P2RX4: variants seen among roughly 807,000 people sequenced by gnomAD.
P2RX4 encodes the protein purinergic receptor P2X 4.
A neutral mutation model predicts 48.0 loss-of-function variants in P2RX4; 37 were observed. The ratio of observed to expected loss-of-function variants is 0.77; its 90% CI spans 0.59 to 1.01. The LOEUF (loss-of-function observed/expected upper bound fraction) is 1.01. Among genes scored for constraint, P2RX4 ranks in the 50% least tolerant of loss-of-function variants. The probability of loss-of-function intolerance (pLI) is 0.00; values close to 1 mark genes in which losing one functional copy is unlikely to be tolerated. For missense variants in P2RX4, 501 were observed against 521.4 expected (o/e 0.96, Z 0.38); for synonymous variants, 200 against 199.7 (o/e 1.00, Z -0.01).
chr12:121,226,917 A>G (rs1430890090), intron 5 of P2RX4, among the ~76,000 whole-genome samples: 1 of 152,064 alleles, frequency 6.6e-6, no homozygotes, highest in Non-Finnish European at 1.5e-5. Flanking sequence ...GTTTGAGACC[A>G]GCCTGACCAA....
chr12:121,220,721 A>T (rs921498530), intron 2 of P2RX4, among the ~76,000 whole-genome samples: 7 of 152,210 alleles, frequency 4.6e-5, no homozygotes, highest in African/African-American at 1.7e-4. Flanking sequence ...TTATGCAAGC[A>T]TCACCTCTAT....
chr12:121,217,653 C>G (rs1886316056), intron 2 of P2RX4, among the ~76,000 whole-genome samples: 1 of 151,246 alleles, frequency 6.6e-6, no homozygotes, highest in Admixed American at 6.6e-5. Flanking sequence ...AGGCCGGGCA[C>G]AGTAGCTCAC....
intron 2 of P2RX4, among the ~76,000 whole-genome samples, chr12:121,217,786 A>G (rs1886331828): frequency 8.6e-6 from 1 of 115,678 alleles, no homozygotes; most frequent in Admixed American, 1.0e-4. Context: ...AAGAAAAAAA[A>G]AGAAAAGAAT....
At position 121,221,942 on chromosome 12, in the gene P2RX4, C is replaced by A; in HGVS notation, c.312C>A (p.Asn104Lys). 6.2e-7 allele frequency: 1 copy of A among 1,614,218 alleles called. No individual in the cohort carries two copies. Among genetic ancestry groups the A allele is most frequent in the Non-Finnish European group, 8.5e-7 (1 of 1,180,030 alleles). ...AAAACTCCCTCTTCGTCATGACCAA[C>A]GTGATCCTCACCATGAACCAGACAC... ...QEENSLFVMT[N>K]VILTMNQTQG... The change falls in exon 3 of 12, where the codon AAC becomes AAA. Residue 104 changes from asparagine (N) to lysine (K), a missense_variant. Asn to Lys is a moderately conservative substitution (Grantham distance 94). Coordinates refer to ENST00000337233, the MANE Select transcript of P2RX4 (RefSeq NM_002560.3).
Position 121,210,269 on chromosome 12 carries a change from G to T in P2RX4, c.105G>T (p.Val35=). The T allele has an allele frequency of 6.4e-7, 1 of 1,556,088 alleles. No individual in the cohort carries two copies. Among genetic ancestry groups the T allele is most frequent in the Non-Finnish European group, 8.7e-7 (1 of 1,155,808 alleles). ...AAGTGGGGCTCATGAACCGCGCCGT[G>T]CAACTGCTCATCCTGGCCTACGTCA... is the stretch of plus-strand genomic sequence containing the variant. ...SRKVGLMNRA[V]QLLILAYVIG... Residue 35 remains valine, a synonymous_variant, in exon 1 of 12, where the codon GTG becomes GTT. Coordinates refer to ENST00000337233, the MANE Select transcript of P2RX4 (RefSeq NM_002560.3).
intron 2 of P2RX4, 43 bp from the exon 3 acceptor site, chr12:121,221,870 A>T (rs747395461): frequency 6.4e-7 from 1 of 1,565,320 alleles, no homozygotes; most frequent in Admixed American, 1.7e-5. Context: ...GCTCTCCGTG[A>T]GTCCTCTGAG....
At chr12:121,219,615 GGATAGATAGATAGATAGATA>G (rs60447163) in intron 2 of P2RX4, among the ~76,000 whole-genome samples, 31,274 of 139,698 alleles carry the variant, frequency 0.22, 4,115 homozygotes, top group Admixed American at 0.27. Context: ...ATGGATGGAT[GGATAGATAGATAGATAGATA>G]GATAGATAGA....
intron 5 of P2RX4, among the ~76,000 whole-genome samples, chr12:121,226,886 G>A (rs188341280): frequency 2.0e-4 from 31 of 152,184 alleles, no homozygotes; most frequent in African/African-American, 7.2e-4. Context: ...ACCGAGGTGG[G>A]TGGATCATCT....
At chr12:121,230,954 A>ATT (rs1435324209) in intron 8 of P2RX4, among the ~76,000 whole-genome samples, 1 of 144,528 alleles carries the variant, frequency 6.9e-6, no homozygotes, top group Admixed American at 7.1e-5. Flanking sequence ...ATATATAGCC[A>ATT]TTATATATAT....
chr12:121,233,501 C>G, intron 11 of P2RX4, 22 bp from the exon 12 acceptor site: 1 of 1,603,410 alleles, frequency 6.2e-7, no homozygotes, highest in Non-Finnish European at 8.5e-7. Flanking sequence ...GCACCTTGAT[C>G]TGCTTGTGTC....
chr12:121,227,850 C>T (rs1354523072), intron 5 of P2RX4, among the ~76,000 whole-genome samples: 4 of 148,682 alleles, frequency 2.7e-5, no homozygotes, highest in African/African-American at 7.5e-5. Context: ...CACAGGGAGG[C>T]GGAGGTAGGA....
At position 121,233,707 on chromosome 12, in the gene P2RX4, T is replaced by G; in HGVS notation, c.*158T>G. On this transcript the variant is annotated 3_prime_UTR_variant, in exon 12 of 12. Transcript: ENST00000337233. ...GTTCCCCAGCAGCTCCTGTGTGTTGTGTGCAGGATCTGTTTGCCCACTCGG... is the reference window on the plus strand; with the variant it reads ...GTTCCCCAGCAGCTCCTGTGTGTTGGGTGCAGGATCTGTTTGCCCACTCGG... 2 of 1,505,406 alleles carry G rather than the reference T, an allele frequency of 1.3e-6. No individual in the cohort carries two copies. Among genetic ancestry groups the G allele is most frequent in the Non-Finnish European group, 8.9e-7 (1 of 1,123,376 alleles). 93.3% of individuals were successfully genotyped at this position (1,505,406 alleles called of 1,614,324 possible). A position where few individuals can be genotyped will look rare whatever the true frequency, so the allele number is the denominator to read the frequency against.
chr12:121,215,442 GTTTT>G (rs112097935), intron 1 of P2RX4: 2 of 137,138 alleles, frequency 1.5e-5, no homozygotes, highest in East Asian at 2.1e-4. Flanking sequence ...CCTGTAGATG[GTTTT>G]TTTTTTTTTT....
intron 2 of P2RX4, among the ~76,000 whole-genome samples, chr12:121,221,198 T>TG (rs1566003252): frequency 1.4e-4 from 12 of 84,292 alleles, no homozygotes; most frequent in African/African-American, 6.2e-4. Flanking sequence ...GTGTGTGTGT[T>TG]TTTAGTACAA....
At chr12:121,220,282 A>G (rs1477176882) in intron 2 of P2RX4, among the ~76,000 whole-genome samples, 1 of 151,630 alleles carries the variant, frequency 6.6e-6, no homozygotes, top group African/African-American at 2.4e-5. Flanking sequence ...TTGAGAAACC[A>G]TTGTTTCAGT....
intron 5 of P2RX4, among the ~76,000 whole-genome samples, 146 bp from the exon 6 acceptor site, chr12:121,228,380 AAAAAAAT>A (rs1270640829): frequency 7.8e-6 from 1 of 128,706 alleles, no homozygotes; most frequent in South Asian, 2.4e-4. Flanking sequence ...AAAAAAAAAA[AAAAAAAT>A]ATATATATAT....
chr12:121,222,747 T>G (rs1175912281), intron 4 of P2RX4, 200 bp from the exon 5 acceptor site: 60 of 1,513,990 alleles, frequency 4.0e-5, no homozygotes, highest in Non-Finnish European at 5.1e-5. Context: ...TCACCCTGGC[T>G]GAGATGTGGC....
chr12:121,228,696 T>C, intron 6 of P2RX4, 29 bp from the exon 7 acceptor site: 1 of 1,613,890 alleles, frequency 6.2e-7, no homozygotes, highest in Non-Finnish European at 8.5e-7. Flanking sequence ...TTTTCGTCGC[T>C]CTGATTTTCT....
intron 1 of P2RX4, among the ~76,000 whole-genome samples, chr12:121,212,535 C>A (rs933791758): frequency 7.5e-4 from 108 of 143,898 alleles, no homozygotes; most frequent in African/African-American, 2.5e-3. Context: ...TGCCTATAAT[C>A]TCAGCACTTT....
Sources: allele counts gnomAD v4.1 joint callset (sites outside exome capture counted in the v4.1 genomes callset), GRCh38; gene constraint gnomAD v4.1.1; transcripts MANE v1.5; gene names NCBI Gene and HGNC (gene_info 2026-07-23, HGNC 2026-07-21).